COL28A1: variants seen among roughly 807,000 people sequenced by gnomAD.
COL28A1 encodes the protein collagen type XXVIII alpha 1 chain.
A neutral mutation model predicts 150.2 loss-of-function variants in COL28A1; 161 were observed. The observed-to-expected ratio is 1.07, with a 90% CI of 0.94 to 1.22. The LOEUF is 1.22. Ranked by LOEUF, COL28A1 falls within the 50% of genes most tolerant of loss-of-function variation. The probability of loss-of-function intolerance (pLI) is 0.00; values close to 1 mark genes in which losing one functional copy is unlikely to be tolerated. For missense variants in COL28A1, 1,617 were observed against 1,388.3 expected (o/e 1.16, Z -2.62); for synonymous variants, 552 against 469.7 (o/e 1.18, Z -2.26).
At chr7:7,460,570 G>A (rs1012893686) in intron 15 of COL28A1, among the ~76,000 whole-genome samples, 1 of 152,048 alleles carries the variant, frequency 6.6e-6, no homozygotes, top group Non-Finnish European at 1.5e-5. Flanking sequence ...TGTTAGTAGA[G>A]ACAAGGTTTC....
chr7:7,528,827 A>G (rs1181915680), intron 3 of COL28A1, among the ~76,000 whole-genome samples: 1 of 152,176 alleles, frequency 6.6e-6, no homozygotes, highest in African/African-American at 2.4e-5. Context: ...GTGTGTACCT[A>G]TGTCAAAAGC....
chr7:7,377,002 T>C lies in COL28A1; in HGVS notation c.2323-1505A>G, dbSNP rs79145475. 2.6e-3 allele frequency among the ~76,000 whole-genome samples: 394 copies of C among 152,320 alleles called. 2 individuals carry two copies. Among genetic ancestry groups the C allele is most frequent in the African/African-American group, 8.2e-3 (340 of 41,566 alleles). ...TCAATTGGTAGAGCAAAATCTCTCA[T>C]TGTTTTAAATTACACGAATTAAATT... On this transcript the variant is annotated intron_variant, in intron 30 of 34. Coordinates refer to ENST00000399429, the MANE Select transcript of COL28A1 (RefSeq NM_001037763.3).
In COL28A1 at chr7:7,432,694, G is replaced by A; in HGVS notation, c.1867C>T (p.Gln623Ter). 1 of 1,613,116 alleles carries A rather than the reference G, an allele frequency of 6.2e-7. No homozygotes were observed. Among genetic ancestry groups the A allele is most frequent in the Non-Finnish European group, 8.5e-7 (1 of 1,179,566 alleles). Residue 623 changes from glutamine to a stop codon, truncating the protein, a stop_gained, in exon 24 of 35, where the codon CAA becomes TAA. Transcript: ENST00000399429. LOFTEE classifies it high-confidence loss of function. ...GCACCCACTGGTCCCCGAGGGCCTTGGACACCCTGGGTAAATTCCAACATC... is the reference window on the plus strand; with the variant it reads ...GCACCCACTGGTCCCCGAGGGCCTTAGACACCCTGGGTAAATTCCAACATC... ...GLSIRGPKGV[Q>*]GPRGPVGAPG...
intron 13 of COL28A1, among the ~76,000 whole-genome samples, chr7:7,485,880 A>G (rs1203239318): frequency 6.6e-6 from 1 of 152,194 alleles, no homozygotes; most frequent in Non-Finnish European, 1.5e-5. Flanking sequence ...TAAGACCAGA[A>G]AAGTTAGTAT....
intron 25 of COL28A1, among the ~76,000 whole-genome samples, chr7:7,424,994 GAAGA>G (rs1309978648): frequency 1.3e-5 from 2 of 151,970 alleles, no homozygotes; most frequent in African/African-American, 2.4e-5. Context: ...TTAAATGAAA[GAAGA>G]AAGAGGAGAG....
intron 27 of COL28A1, among the ~76,000 whole-genome samples, chr7:7,414,930 G>A (rs11976672): frequency 0.025 from 3,762 of 152,264 alleles, 154 homozygotes; most frequent in African/African-American, 0.086. Context: ...TTTATAGCCT[G>A]TAAATTCCAT....
At chr7:7,418,156 A>C (rs1784208643) in intron 26 of COL28A1, among the ~76,000 whole-genome samples, 1 of 152,262 alleles carries the variant, frequency 6.6e-6, no homozygotes, top group African/African-American at 2.4e-5. Context: ...TTAAGCAGTA[A>C]GCAGAGCCGC....
intron 11 of COL28A1, among the ~76,000 whole-genome samples, chr7:7,500,227 A>G (rs758984334): frequency 6.6e-6 from 1 of 152,198 alleles, no homozygotes; most frequent in Non-Finnish European, 1.5e-5. Flanking sequence ...AATATTGCCA[A>G]ATTAAGTTAC....
chr7:7,532,231 G>A (rs960691713), intron 2 of COL28A1, among the ~76,000 whole-genome samples: 3 of 152,126 alleles, frequency 2.0e-5, no homozygotes, highest in African/African-American at 7.2e-5. Flanking sequence ...AACTAACACT[G>A]AGCATAGTTG....
intron 27 of COL28A1, among the ~76,000 whole-genome samples, chr7:7,398,705 T>C (rs1261088705): frequency 6.6e-6 from 1 of 152,220 alleles, no homozygotes; most frequent in Non-Finnish European, 1.5e-5. Flanking sequence ...ATGCCTCACA[T>C]GGCATTTGAA....
At chr7:7,442,180 T>A (rs905299637) in intron 20 of COL28A1, among the ~76,000 whole-genome samples, 1 of 152,208 alleles carries the variant, frequency 6.6e-6, no homozygotes, top group African/African-American at 2.4e-5. Flanking sequence ...CTCTTTCCAA[T>A]GCACATTCTT....
chr7:7,364,319 A>G (rs1322332956), intron 33 of COL28A1, among the ~76,000 whole-genome samples: 1 of 152,224 alleles, frequency 6.6e-6, no homozygotes, highest in East Asian at 1.9e-4. Context: ...TAAATGCAGG[A>G]CATACATTCG....
At chr7:7,487,772 G>T (rs1244318604) in intron 13 of COL28A1, among the ~76,000 whole-genome samples, 1 of 152,094 alleles carries the variant, frequency 6.6e-6, no homozygotes, top group Non-Finnish European at 1.5e-5. Flanking sequence ...ACTCGAATCT[G>T]AGCTGGTCCT....
intron 19 of COL28A1, among the ~76,000 whole-genome samples, chr7:7,443,859 G>T (rs1296478390): frequency 6.6e-6 from 1 of 152,032 alleles, no homozygotes; most frequent in Non-Finnish European, 1.5e-5. Flanking sequence ...CAGAGCAGCT[G>T]CAATATCATG....
chr7:7,442,284 C>T lies in COL28A1; in HGVS notation c.1650+1301G>A, dbSNP rs555868324. ...CTAACATGCTACCATTCTGCCTATTCTGTAGAGTTGTTGTTCTCCAGCTAC... is the reference window on the plus strand; with the variant it reads ...CTAACATGCTACCATTCTGCCTATTTTGTAGAGTTGTTGTTCTCCAGCTAC... On this transcript the variant is annotated intron_variant, in intron 20 of 34. Transcript: ENST00000399429. Among the ~76,000 whole-genome samples, 14 of 152,276 alleles carry T rather than the reference C, an allele frequency of 9.2e-5. No homozygotes were observed. In the South Asian group the frequency reaches 1.0e-3, roughly 11 times the overall value.
chr7:7,447,028 C>G (rs1239917518), intron 18 of COL28A1, among the ~76,000 whole-genome samples: 1 of 152,186 alleles, frequency 6.6e-6, no homozygotes, highest in Non-Finnish European at 1.5e-5. Flanking sequence ...GGAATAGTGC[C>G]TATTTCTACT....
intron 16 of COL28A1, among the ~76,000 whole-genome samples, chr7:7,455,595 T>G (rs1479105948): frequency 6.6e-6 from 1 of 152,200 alleles, no homozygotes; most frequent in East Asian, 1.9e-4. Context: ...AAGTTTTAAC[T>G]ATAATACTTT....
At chr7:7,385,016 G>C (rs1022789725) in intron 27 of COL28A1, among the ~76,000 whole-genome samples, 3 of 152,208 alleles carry the variant, frequency 2.0e-5, no homozygotes, top group Non-Finnish European at 4.4e-5. Flanking sequence ...ATGAAGGTTA[G>C]TGGGGTCTGC....
At chr7:7,539,178 G>A (rs1263348992), upstream of COL28A1, among the ~76,000 whole-genome samples, 1 of 152,144 alleles carries the variant, frequency 6.6e-6, no homozygotes, top group East Asian at 1.9e-4. Context: ...CTAAGGCTGA[G>A]TAATCTATAA....
Sources: gnomAD v4.1 joint callset for allele counts (sites outside exome capture counted in the v4.1 genomes callset) on GRCh38, gnomAD v4.1.1 for gene constraint, MANE v1.5 for transcripts, NCBI Gene and HGNC (gene_info 2026-07-23, HGNC 2026-07-21) for gene names.